ADAMTSL1: variants seen among roughly 807,000 people sequenced by gnomAD.
The protein encoded by ADAMTSL1 is ADAMTS-like protein 1.
A neutral mutation model predicts 201.8 loss-of-function variants in ADAMTSL1; 126 were observed. The ratio of observed to expected loss-of-function variants is 0.62; its 90% confidence interval spans 0.54 to 0.72. ADAMTSL1 has a LOEUF of 0.72. Among genes scored for constraint, ADAMTSL1 ranks in the 30% least tolerant of loss-of-function variants. The pLI is 0.00. For missense variants in ADAMTSL1, 2,679 were observed against 2,277.8 expected, an observed-to-expected ratio of 1.18 and a Z score of -3.59; for synonymous variants, 1,121 against 903.4, an observed-to-expected ratio of 1.24 and a Z score of -4.32.
chr9:17,969,213 A>G (rs1369310977), intron 1 of ADAMTSL1, among the ~76,000 whole-genome samples: 1 of 150,280 alleles, frequency 6.7e-6, no homozygotes, highest in Non-Finnish European at 1.5e-5. Flanking sequence ...CCAGTTAAAA[A>G]TCTAATTTCT....
At position 17,975,796 on chromosome 9, in the gene ADAMTSL1, C is replaced by T. The variant is rs576040297; in HGVS notation, c.87+68874C>T. ...GGTATTGTTACAAAAAATCATTGCC[C>T]GGATCAATGTCATAAAGCTTTTCAC... is the stretch of plus-strand genomic sequence containing the variant. On this transcript the variant is annotated intron_variant, in intron 1 of 29. Transcript: ENST00000680146. Among the ~76,000 whole-genome samples, 11 of 151,966 alleles carry T rather than the reference C, an allele frequency of 7.2e-5. No homozygotes were observed. In the South Asian group the frequency reaches 1.0e-3, roughly 14 times the overall value.
rs549669755 is a variant in ADAMTSL1, at chr9:18,418,974, C to T, written c.208-85855C>T. Among the ~76,000 whole-genome samples, 126 of 152,210 alleles carry T rather than the reference C, an allele frequency of 8.3e-4. No homozygotes were observed. In the Middle Eastern group the frequency reaches 0.01, roughly 12 times the overall value. On this transcript the variant is annotated intron_variant, in intron 2 of 29. Coordinates refer to the ADAMTSL1 transcript ENST00000680146. ...TTCAGTTGTCAAGACAGGGTGGTATCGGCAAAGAGAGAGACAAATAGATCG... is the reference window on the plus strand; with the variant it reads ...TTCAGTTGTCAAGACAGGGTGGTATTGGCAAAGAGAGAGACAAATAGATCG...
Position 18,236,642 on chromosome 9 carries a change from C to T in ADAMTSL1, c.207+72661C>T, listed in dbSNP as rs543859018. On this transcript the variant is annotated intron_variant, in intron 2 of 29. Transcript: ENST00000680146. Reference sequence around the variant, plus strand: ...TTGTTAAAAGAGATAAGCTGCAAGGCTATTAAATTCAGTATCTATTGATAC... The same window carrying T: ...TTGTTAAAAGAGATAAGCTGCAAGGTTATTAAATTCAGTATCTATTGATAC... Among the ~76,000 whole-genome samples, 13 of 152,258 alleles carry T rather than the reference C, an allele frequency of 8.5e-5. No individual in the cohort carries two copies. In the East Asian group the frequency reaches 2.3e-3, roughly 27 times the overall value.
chr9:18,520,157 A>C (rs926012691), intron 2 of ADAMTSL1, among the ~76,000 whole-genome samples: 4 of 152,226 alleles, frequency 2.6e-5, no homozygotes, highest in African/African-American at 9.6e-5. Context: ...TGTGGGTCTA[A>C]ATTTTAATTT....
chr9:18,159,235 C>T (rs972196626), intron 1 of ADAMTSL1, among the ~76,000 whole-genome samples: 1 of 151,898 alleles, frequency 6.6e-6, no homozygotes, highest in East Asian at 1.9e-4. Flanking sequence ...TTACAGAGTC[C>T]TTTTGGTAGG....
intron 1 of ADAMTSL1, among the ~76,000 whole-genome samples, chr9:18,160,981 C>A (rs989906006): frequency 6.6e-6 from 1 of 151,572 alleles, no homozygotes; most frequent in Admixed American, 6.6e-5. Context: ...AGCCACCATG[C>A]CTGGCCAGGA....
chr9:18,538,338 C>T (rs1019979680), intron 3 of ADAMTSL1, among the ~76,000 whole-genome samples: 3 of 152,076 alleles, frequency 2.0e-5, no homozygotes, highest in South Asian at 2.1e-4. Context: ...AGGCAAAGGC[C>T]GCGGCATTAT....
chr9:18,628,294 T>A (rs10810999), intron 5 of ADAMTSL1, among the ~76,000 whole-genome samples: 21,289 of 152,156 alleles, frequency 0.14, 1,644 homozygotes, highest in Admixed American at 0.21. Context: ...AGCTTGAATT[T>A]TTTTTCGTAT....
At chr9:18,481,953 A>G (rs919066512) in intron 1 of ADAMTSL1, among the ~76,000 whole-genome samples, 4 of 152,222 alleles carry the variant, frequency 2.6e-5, no homozygotes, top group African/African-American at 9.6e-5. Context: ...ATCTGTACAT[A>G]GTTTCCACTA....
intron 1 of ADAMTSL1, among the ~76,000 whole-genome samples, chr9:18,129,406 T>A (rs1399171385): frequency 6.6e-6 from 1 of 152,168 alleles, no homozygotes; most frequent in Non-Finnish European, 1.5e-5. Context: ...CAAGGTCACA[T>A]GGTTTGTTGA....
intron 15 of ADAMTSL1, among the ~76,000 whole-genome samples, chr9:18,741,013 G>A (rs1443907840): frequency 6.6e-6 from 1 of 152,022 alleles, no homozygotes; most frequent in African/African-American, 2.4e-5. Flanking sequence ...GTCTTAGATT[G>A]TACTTATCTG....
At chr9:18,851,186 C>T (rs919995604) in intron 23 of ADAMTSL1, among the ~76,000 whole-genome samples, 7 of 151,830 alleles carry the variant, frequency 4.6e-5, no homozygotes, top group African/African-American at 1.2e-4. Context: ...GCCAAGCTCT[C>T]GATGGGAGCA....
At chr9:18,106,481 C>T (rs1824767654) in intron 1 of ADAMTSL1, among the ~76,000 whole-genome samples, 2 of 152,178 alleles carry the variant, frequency 1.3e-5, no homozygotes, top group Admixed American at 1.3e-4. Context: ...CTGCTTAGCG[C>T]ACATTTATTG....
At chr9:18,445,121 T>C (rs1820138771) in intron 2 of ADAMTSL1, among the ~76,000 whole-genome samples, 1 of 152,154 alleles carries the variant, frequency 6.6e-6, no homozygotes, top group African/African-American at 2.4e-5. Context: ...CACATTAACT[T>C]ACCTTGCTGG....
intron 1 of ADAMTSL1, among the ~76,000 whole-genome samples, chr9:18,079,776 G>C (rs1036560154): frequency 5.3e-5 from 8 of 152,080 alleles, no homozygotes; most frequent in Admixed American, 2.0e-4. Flanking sequence ...AGAGTACCAT[G>C]GTGGAAAGCA....
At chr9:18,170,356 A>G (rs936733369) in intron 2 of ADAMTSL1, among the ~76,000 whole-genome samples, 1 of 152,078 alleles carries the variant, frequency 6.6e-6, no homozygotes, top group Non-Finnish European at 1.5e-5. Context: ...ATTTCTCAGA[A>G]CAACCTGAGG....
chr9:18,434,692 T>A (rs1027138013), intron 2 of ADAMTSL1, among the ~76,000 whole-genome samples: 1 of 152,142 alleles, frequency 6.6e-6, no homozygotes, highest in East Asian at 1.9e-4. Flanking sequence ...AGTTGGTTAA[T>A]GTCACTCCCA....
At chr9:18,233,366 C>T (rs1830716383) in intron 2 of ADAMTSL1, among the ~76,000 whole-genome samples, 1 of 152,166 alleles carries the variant, frequency 6.6e-6, no homozygotes, top group Non-Finnish European at 1.5e-5. Context: ...CGATGAATTT[C>T]ATCTTTTTTA....
intron 1 of ADAMTSL1, among the ~76,000 whole-genome samples, chr9:18,480,676 A>C (rs1821679883): frequency 6.6e-6 from 1 of 152,240 alleles, no homozygotes. Flanking sequence ...ACTCATAAGT[A>C]AGTACTAATA....
Sources: gnomAD v4.1 joint callset for allele counts (sites outside exome capture counted in the v4.1 genomes callset) on GRCh38, gnomAD v4.1.1 for gene constraint, MANE v1.5 for transcripts, NCBI Gene and HGNC (gene_info 2026-07-23, HGNC 2026-07-21) for gene names.